The following LIN28B variants were observed in gnomAD, a reference collection of about 807,000 sequenced individuals.
LIN28B encodes protein lin-28 homolog B.
LIN28B carries 5 observed loss-of-function variants against 21.9 expected under a neutral mutation model. The observed-to-expected ratio is 0.23, with a 90% CI of 0.12 to 0.48. The LOEUF (loss-of-function observed/expected upper bound fraction) is 0.48. Among genes scored for constraint, LIN28B ranks in the 20% least tolerant of loss-of-function variants. The pLI is 0.98. For synonymous variants in LIN28B, 109 were observed against 111.3 expected (o/e 0.98, Z 0.13); for missense variants, 245 against 310.5 (o/e 0.79, Z 1.58).
intron 2 of LIN28B, among the ~76,000 whole-genome samples, chr6:104,994,905 A>G (rs1770567817): frequency 6.6e-6 from 1 of 152,200 alleles, no homozygotes; most frequent in Non-Finnish European, 1.5e-5. Context: ...TTTTCACTAT[A>G]AGTGGTTCTT....
At position 104,997,038 on chromosome 6, in the gene LIN28B, T is replaced by C. The variant is rs532538922; in HGVS notation, c.199-29260T>C. ...GGTTCATGCCTGTAATCCCAGCACT[T>C]TGGGAGGCCAAGGCGGGTGGATCAT... On this transcript the variant is annotated intron_variant, in intron 2 of 3. Transcript: ENST00000345080. Among the ~76,000 whole-genome samples the C allele has an allele frequency of 2.0e-5, 3 of 152,044 alleles. No homozygotes were observed. The East Asian group carries it at 5.8e-4, about 29-fold the overall frequency.
chr6:105,055,722 G>C (rs1365785236), intron 3 of LIN28B, among the ~76,000 whole-genome samples: 1 of 151,780 alleles, frequency 6.6e-6, no homozygotes, highest in East Asian at 1.9e-4. Flanking sequence ...GTAGTTTTCA[G>C]CTCTAATATT....
chr6:104,941,633 C>G (rs1314845204), intron 2 of LIN28B, among the ~76,000 whole-genome samples: 3 of 151,958 alleles, frequency 2.0e-5, no homozygotes, highest in African/African-American at 7.2e-5. Flanking sequence ...CTGCTTTGTA[C>G]CGGGCAGGCG....
intron 3 of LIN28B, among the ~76,000 whole-genome samples, chr6:105,062,045 A>G (rs1772130671): frequency 6.6e-6 from 1 of 152,030 alleles, no homozygotes; most frequent in Non-Finnish European, 1.5e-5. Context: ...TTTGCCTGGC[A>G]TATTTTCTTT....
intron 3 of LIN28B, among the ~76,000 whole-genome samples, chr6:105,052,530 C>T (rs1771928532): frequency 6.6e-6 from 1 of 152,032 alleles, no homozygotes; most frequent in Admixed American, 6.6e-5. Flanking sequence ...AACATTAATC[C>T]ATTCATAAGG....
At position 104,963,128 on chromosome 6, in the gene LIN28B, A is replaced by G. The variant is rs936258585; in HGVS notation, c.198+4842A>G. On this transcript the variant is annotated intron_variant, in intron 2 of 3. Transcript: ENST00000345080. Reference sequence around the variant, plus strand: ...AGTGGCGCGATCTCTGCTCACTGCAACTCCGCCTTCCGGGTTCACGCCATT... The same window carrying G: ...AGTGGCGCGATCTCTGCTCACTGCAGCTCCGCCTTCCGGGTTCACGCCATT... Among the ~76,000 whole-genome samples the G allele has an allele frequency of 8.6e-5, 13 of 151,850 alleles. 1 individual carries two copies. Among genetic ancestry groups the G allele is most frequent in the African/African-American group, 3.1e-4 (13 of 41,316 alleles).
intron 2 of LIN28B, among the ~76,000 whole-genome samples, chr6:104,994,043 C>A (rs1398148052): frequency 6.6e-6 from 1 of 152,022 alleles, no homozygotes; most frequent in African/African-American, 2.4e-5. Flanking sequence ...CTCCTTCTGT[C>A]GCCCAGGCTG....
intron 3 of LIN28B, among the ~76,000 whole-genome samples, chr6:105,054,140 A>C (rs965613126): frequency 1.3e-5 from 2 of 152,182 alleles, no homozygotes; most frequent in African/African-American, 4.8e-5. Flanking sequence ...GTGTTTTTTA[A>C]AATCAAACCT....
At chr6:104,959,244 A>ATTT (rs1465562039) in intron 2 of LIN28B, among the ~76,000 whole-genome samples, 28 of 152,328 alleles carry the variant, frequency 1.8e-4, no homozygotes, top group Admixed American at 2.6e-4. Context: ...GTAGTTAGAA[A>ATTT]TAAAGAGGTT....
At chr6:105,030,136 G>A (rs930629642) in intron 3 of LIN28B, among the ~76,000 whole-genome samples, 12 of 152,092 alleles carry the variant, frequency 7.9e-5, no homozygotes, top group African/African-American at 2.2e-4. Flanking sequence ...ACTAGGATTA[G>A]CAATTCCAGT....
intron 3 of LIN28B, among the ~76,000 whole-genome samples, chr6:105,076,640 A>T (rs1308340695): frequency 6.6e-6 from 1 of 151,876 alleles, no homozygotes; most frequent in Non-Finnish European, 1.5e-5. Flanking sequence ...ATGGAGTCTC[A>T]CTCTGTCGCC....
chr6:104,989,658 A>T (rs1770421242), intron 2 of LIN28B, among the ~76,000 whole-genome samples: 1 of 125,264 alleles, frequency 8.0e-6, no homozygotes, highest in African/African-American at 3.0e-5. Flanking sequence ...CAGTGGCATG[A>T]TCTAGGCTCG....
At chr6:105,032,790 A>G (rs1181701436) in intron 3 of LIN28B, among the ~76,000 whole-genome samples, 2 of 151,978 alleles carry the variant, frequency 1.3e-5, no homozygotes, top group Non-Finnish European at 2.9e-5. Flanking sequence ...TTTAATTTTC[A>G]TTTCCTTAAT....
rs543087391 is a variant in LIN28B at position 104,989,193 on chromosome 6, C to T, written c.198+30907C>T. Among the ~76,000 whole-genome samples, 9 of 152,152 alleles carry T rather than the reference C, an allele frequency of 5.9e-5. No homozygotes were observed. In the East Asian group the frequency reaches 1.7e-3, roughly 29 times the overall value. On this transcript the variant is annotated intron_variant, in intron 2 of 3. Coordinates refer to ENST00000345080, the MANE Select transcript of LIN28B (RefSeq NM_001004317.4). ...GATTTCTGCTCTTGAGTATTTCCTTCCACCCAATTTCCTGGTGATTAATTT... is the reference window on the plus strand; with the variant it reads ...GATTTCTGCTCTTGAGTATTTCCTTTCACCCAATTTCCTGGTGATTAATTT...
chr6:105,041,502 C>T (rs1390731992), intron 3 of LIN28B, among the ~76,000 whole-genome samples: 1 of 152,046 alleles, frequency 6.6e-6, no homozygotes, highest in Non-Finnish European at 1.5e-5. Flanking sequence ...TTGTTTTGCA[C>T]AGGTTTCAGT....
At chr6:105,077,084 G>A (rs1772441725) in intron 3 of LIN28B, among the ~76,000 whole-genome samples, 1 of 151,816 alleles carries the variant, frequency 6.6e-6, no homozygotes, top group Admixed American at 6.6e-5. Flanking sequence ...ACAAAAATTA[G>A]CCGGGCATGG....
chr6:105,050,021 T>C (rs1319939720), intron 3 of LIN28B, among the ~76,000 whole-genome samples: 1 of 152,216 alleles, frequency 6.6e-6, no homozygotes, highest in Non-Finnish European at 1.5e-5. Flanking sequence ...AATATTGTTA[T>C]GTGTGGTTTT....
chr6:105,020,762 T>TC (rs1306296208), intron 2 of LIN28B, among the ~76,000 whole-genome samples: 1 of 145,554 alleles, frequency 6.9e-6, no homozygotes, highest in Non-Finnish European at 1.5e-5. Context: ...TTTTTTTTTT[T>TC]TTTTTTTTGA....
At chr6:104,993,256 C>T (rs1770532046) in intron 2 of LIN28B, among the ~76,000 whole-genome samples, 1 of 151,956 alleles carries the variant, frequency 6.6e-6, no homozygotes, top group Non-Finnish European at 1.5e-5. Flanking sequence ...TCACATGAGG[C>T]GAGTTCAGGA....
Sources: allele counts gnomAD v4.1 joint callset (sites outside exome capture counted in the v4.1 genomes callset), GRCh38; gene constraint gnomAD v4.1.1; transcripts MANE v1.5; gene names NCBI Gene and HGNC (gene_info 2026-07-23, HGNC 2026-07-21).